The following KIF26B variants were observed in gnomAD, a reference collection of about 807,000 sequenced individuals.
KIF26B encodes kinesin family member 26B.
KIF26B carries 63 observed loss-of-function variants against 151.2 expected under a neutral mutation model. The observed-to-expected ratio is 0.42, with a 90% CI of 0.34 to 0.51. The LOEUF (loss-of-function observed/expected upper bound fraction) is 0.51, where lower values mean the gene tolerates loss of function less well. Ranked by LOEUF, KIF26B falls within the 20% of genes least tolerant of loss-of-function variation. The pLI is 0.07. For missense variants in KIF26B, 2,813 were observed against 2,913.6 expected (o/e 0.97, Z 0.79); for synonymous variants, 1,357 against 1,262.1 (o/e 1.08, Z -1.59).
intron 2 of KIF26B, among the ~76,000 whole-genome samples, chr1:245,270,093 T>G (rs1249165796): frequency 1.3e-5 from 2 of 152,020 alleles, no homozygotes; most frequent in African/African-American, 4.8e-5. Context: ...CTCCACATCC[T>G]AATCAACACT....
At chr1:245,379,733 G>A (rs932464119) in intron 3 of KIF26B, among the ~76,000 whole-genome samples, 2 of 152,002 alleles carry the variant, frequency 1.3e-5, no homozygotes, top group Non-Finnish European at 2.9e-5. Flanking sequence ...CACTTTGGGA[G>A]GCCGAGACAG....
At chr1:245,335,636 A>AGAGTCCCACGAGGGGAAAGGG (rs1672205399) in intron 2 of KIF26B, among the ~76,000 whole-genome samples, 2 of 149,182 alleles carry the variant, frequency 1.3e-5, no homozygotes, top group Non-Finnish European at 3.0e-5. Flanking sequence ...AGGGGAAAGG[A>AGAGTCCCACGAGGGGAAAGGG]GAGTCCCACG....
Position 245,688,398 on chromosome 1 carries a change from C to A in KIF26B, c.5415C>A (p.Ser1805Arg). 6.6e-7 allele frequency: 1 copy of A among 1,512,990 alleles called. No homozygotes were observed. Among genetic ancestry groups the A allele is most frequent in the Non-Finnish European group, 8.8e-7 (1 of 1,137,602 alleles). The allele number at this position is 1,512,990 out of a possible 1,614,324, so 93.7% of individuals were successfully genotyped here. A position where few individuals can be genotyped will look rare whatever the true frequency, so the allele number is the denominator to read the frequency against. The change falls in exon 12 of 15, where the codon AGC becomes AGA. Residue 1805 changes from serine (S) to arginine (R), a missense_variant. Physicochemically the swap from Ser to Arg is moderately radical, Grantham distance 110 (BLOSUM62 -1). Transcript: ENST00000407071. ...LASKLPLRAV[S>R]GRISELLQGG... is the part of the protein sequence containing the mutation. Reference sequence around the variant, plus strand: ...CCAAGCTTCCCCTGCGGGCCGTCAGCGGGCGCATCTCGGAGCTGCTGCAGG... The same window carrying A: ...CCAAGCTTCCCCTGCGGGCCGTCAGAGGGCGCATCTCGGAGCTGCTGCAGG...
chr1:245,585,882 C>A (rs2043219047), intron 5 of KIF26B, among the ~76,000 whole-genome samples: 1 of 152,232 alleles, frequency 6.6e-6, no homozygotes, highest in African/African-American at 2.4e-5. Flanking sequence ...TCTACACAAT[C>A]CCTGCAGAAA....
At chr1:245,364,569 CGCCACCACGCCCA>C (rs1021704158) in intron 2 of KIF26B, among the ~76,000 whole-genome samples, 33 of 151,920 alleles carry the variant, frequency 2.2e-4, no homozygotes, top group African/African-American at 7.7e-4. Context: ...TACAGGCGCC[CGCCACCACGCCCA>C]GCTAATTTTT....
chr1:245,604,728 A>G (rs2043431929), intron 6 of KIF26B, among the ~76,000 whole-genome samples: 1 of 152,220 alleles, frequency 6.6e-6, no homozygotes, highest in Non-Finnish European at 1.5e-5. Flanking sequence ...TCGGCTGCAG[A>G]GCTCAGTATG....
At chr1:245,637,908 T>G (rs926057632) in intron 9 of KIF26B, among the ~76,000 whole-genome samples, 17 of 152,086 alleles carry the variant, frequency 1.1e-4, no homozygotes, top group Admixed American at 8.5e-4. Context: ...TACTATAGCT[T>G]GTAGTATAAT....
chr1:245,554,857 C>T (rs533009696), intron 5 of KIF26B, among the ~76,000 whole-genome samples: 14 of 152,292 alleles, frequency 9.2e-5, no homozygotes, highest in South Asian at 2.1e-4. Flanking sequence ...ATATGTAAAA[C>T]GTGTGCTCAT....
In KIF26B at chr1:245,218,815, C is replaced by A. The variant is rs4497254; in HGVS notation, c.465+62132C>A. On this transcript the variant is annotated intron_variant, in intron 2 of 14. Transcript: ENST00000407071. The surrounding 1 kb of genome is among the most constrained non-coding windows in gnomAD (Gnocchi z 4.1). ...CCTTTTTAAAAAAGGGAGCTTGGGG[C>A]AGAATGAACCACTAAAAAGTTATTG... Among the ~76,000 whole-genome samples the A allele has an allele frequency of 0.56, 84,974 of 152,066 alleles. 26,331 individuals are homozygous for A. Among genetic ancestry groups the A allele is most frequent in the Non-Finnish European group, 0.7 (47,339 of 67,986 alleles).
rs550840479 is a variant in KIF26B, at chr1:245,259,370, G to T, written c.465+102687G>T. On this transcript the variant is annotated intron_variant, in intron 2 of 14. Transcript: ENST00000407071. ...ACATCCCTTCCCATTGGACGGTGAGGACTGAGGCTCCATCGCTGAAATGCA... is the reference window on the plus strand; with the variant it reads ...ACATCCCTTCCCATTGGACGGTGAGTACTGAGGCTCCATCGCTGAAATGCA... 4.3e-4 allele frequency among the ~76,000 whole-genome samples: 66 copies of T among 152,260 alleles called. 3 individuals carry two copies. In the South Asian group the frequency reaches 0.013, roughly 30 times the overall value.
At chr1:245,610,412 C>T (rs145082211) in intron 8 of KIF26B, among the ~76,000 whole-genome samples, 33 of 152,292 alleles carry the variant, frequency 2.2e-4, no homozygotes, top group African/African-American at 7.9e-4. Context: ...GGGCACCCCC[C>T]CAGAGTTTCC....
intron 3 of KIF26B, among the ~76,000 whole-genome samples, chr1:245,387,702 G>A (rs907817177): frequency 6.6e-6 from 1 of 151,936 alleles, no homozygotes; most frequent in African/African-American, 2.4e-5. Context: ...AAAAAAACCC[G>A]CAACAAACTA....
chr1:245,652,895 T>C (rs1572180117), intron 10 of KIF26B, among the ~76,000 whole-genome samples: 1 of 152,192 alleles, frequency 6.6e-6, no homozygotes, highest in African/African-American at 2.4e-5. Flanking sequence ...TAATGGCACA[T>C]GATGGTCTCG....
At chr1:245,402,634 A>G (rs1479375598) in intron 3 of KIF26B, among the ~76,000 whole-genome samples, 1 of 152,228 alleles carries the variant, frequency 6.6e-6, no homozygotes. Context: ...CGCAGGGGAC[A>G]ATAGCAAGAA....
At chr1:245,464,641 T>C (rs879418493) in intron 4 of KIF26B, among the ~76,000 whole-genome samples, 3 of 148,080 alleles carry the variant, frequency 2.0e-5, no homozygotes, top group Non-Finnish European at 4.5e-5. Context: ...TTTGGCACCG[T>C]GTGTGTGGGT....
chr1:245,420,954 C>A (rs1210233107), intron 4 of KIF26B, among the ~76,000 whole-genome samples: 1 of 152,124 alleles, frequency 6.6e-6, no homozygotes, highest in East Asian at 1.9e-4. Context: ...TGTTGGAAGA[C>A]CGGCTTTGAG....
chr1:245,238,862 A>ACAAAAACAAAACAAAC, intron 2 of KIF26B, among the ~76,000 whole-genome samples: 2 of 152,018 alleles, frequency 1.3e-5, no homozygotes, highest in East Asian at 3.9e-4. Flanking sequence ...AACTGTCTCA[A>ACAAAAACAAAACAAAC]AAAACAAAAC....
chr1:245,170,380 C>A lies in KIF26B; in HGVS notation c.465+13697C>A, dbSNP rs1044988204. ...TCTCATGCCCTCATATCCACTTCTA[C>A]CCTTGCAGAATAAAGACATGTGGGA... is the stretch of plus-strand genomic sequence containing the variant. On this transcript the variant is annotated intron_variant, in intron 2 of 14. Transcript: ENST00000407071. The surrounding 1 kb of genome is among the most constrained non-coding windows in gnomAD (Gnocchi z 4.4). Among the ~76,000 whole-genome samples, 2 of 152,168 alleles carry A rather than the reference C, an allele frequency of 1.3e-5. No homozygotes were observed. The highest frequency in any genetic ancestry group is 2.9e-5 in the Non-Finnish European group (2 of 68,042).
chr1:245,255,549 T>G (rs1670517434), intron 2 of KIF26B, among the ~76,000 whole-genome samples: 1 of 152,192 alleles, frequency 6.6e-6, no homozygotes, highest in Non-Finnish European at 1.5e-5. Flanking sequence ...ATTTGTATGT[T>G]TTTTGCTTGG....
Sources: gnomAD v4.1 joint callset for allele counts (sites outside exome capture counted in the v4.1 genomes callset) on GRCh38, gnomAD v4.1.1 for gene constraint, Gnocchi (gnomAD v3.1) non-coding constraint, MANE v1.5 for transcripts, NCBI Gene and HGNC (gene_info 2026-07-23, HGNC 2026-07-21) for gene names.